CHLSN: variants seen among roughly 807,000 people sequenced by gnomAD.
CHLSN encodes cholesin.
At chr7:1,008,819 CATAT>C in the CHLSN span, among the ~76,000 whole-genome samples, 13 of 111,310 alleles carry the variant, frequency 1.2e-4, no homozygotes, top group Non-Finnish European at 1.9e-4. Flanking sequence ...TACACACGCA[CATAT>C]ACACAACGTG....
the CHLSN span, chr7:1,044,753 G>A: frequency 2.6e-5 from 4 of 151,906 alleles, no homozygotes; most frequent in South Asian, 2.1e-4. Context: ...TGGCTCCCAC[G>A]GCGGGCGCTG....
chr7:1,089,620 G>A, the CHLSN span, among the ~76,000 whole-genome samples: 3 of 151,160 alleles, frequency 2.0e-5, no homozygotes, highest in East Asian at 3.9e-4. Context: ...ACAGGGTTTC[G>A]CCATGTTACC....
At chr7:1,124,050 T>C in the CHLSN span, among the ~76,000 whole-genome samples, 1 of 152,218 alleles carries the variant, frequency 6.6e-6, no homozygotes, top group African/African-American at 2.4e-5. Context: ...CAGCTGCGTG[T>C]TACAGACCAG....
the CHLSN span, among the ~76,000 whole-genome samples, chr7:1,136,540 G>A: frequency 2.5e-4 from 27 of 106,290 alleles, no homozygotes; most frequent in African/African-American, 2.3e-4. Context: ...ACATATATAT[G>A]AACATATATA....
the CHLSN span, among the ~76,000 whole-genome samples, chr7:1,030,862 C>T: frequency 3.3e-5 from 5 of 152,200 alleles, no homozygotes; most frequent in East Asian, 1.9e-4. Context: ...GCCCACACCC[C>T]GGGCCCCAAC....
the CHLSN span, among the ~76,000 whole-genome samples, chr7:1,011,505 CCT>C: frequency 1.4e-5 from 2 of 147,302 alleles, no homozygotes; most frequent in South Asian, 2.2e-4. Flanking sequence ...GCCCAGACAC[CCT>C]GACACACCCA....
At chr7:1,096,405 G>C in the CHLSN span, among the ~76,000 whole-genome samples, 1 of 152,190 alleles carries the variant, frequency 6.6e-6, no homozygotes, top group African/African-American at 2.4e-5. The surrounding 1 kb of genome is among the most constrained non-coding windows in gnomAD (Gnocchi z 4.6). Context: ...AGCCAGCCTT[G>C]GACCCTGGGC....
the CHLSN span, among the ~76,000 whole-genome samples, chr7:1,005,224 G>C: frequency 0.17 from 26,221 of 152,192 alleles, 3,429 homozygotes; most frequent in African/African-American, 0.37. Flanking sequence ...CTGGGAAGCA[G>C]AGGTTGCAGT....
At chr7:993,591 AC>A in the CHLSN span, among the ~76,000 whole-genome samples, 3 of 152,142 alleles carry the variant, frequency 2.0e-5, no homozygotes, top group East Asian at 5.8e-4. Context: ...CCTGGGCAAC[AC>A]AGTGAGGCCC....
chr7:983,562 C>T, the CHLSN span, among the ~76,000 whole-genome samples: 1 of 152,318 alleles, frequency 6.6e-6, no homozygotes, highest in East Asian at 1.9e-4. Context: ...GCCACCCCGT[C>T]CCACAGGGAA....
the CHLSN span, among the ~76,000 whole-genome samples, chr7:1,135,728 G>A: frequency 0.045 from 6,680 of 148,156 alleles, 388 homozygotes; most frequent in African/African-American, 0.14. Context: ...TCGCGCCACT[G>A]CACTCCAGCC....
At chr7:1,015,227 G>A in the CHLSN span, among the ~76,000 whole-genome samples, 1 of 152,164 alleles carries the variant, frequency 6.6e-6, no homozygotes, top group Non-Finnish European at 1.5e-5. Context: ...GGAAAGAGAG[G>A]TGGGGTCGGG....
the CHLSN span, among the ~76,000 whole-genome samples, chr7:1,002,689 GT>G: frequency 1.2e-5 from 1 of 84,696 alleles, no homozygotes; most frequent in African/African-American, 6.6e-5. Flanking sequence ...AGTCCTGCGG[GT>G]GAGTGGAGCC....
the CHLSN span, chr7:1,000,629 A>T: frequency 8.2e-7 from 1 of 1,213,332 alleles, no homozygotes; most frequent in Non-Finnish European, 1.2e-6. Context: ...GAGATCGGGG[A>T]CGCCTCATCT....
At chr7:1,031,317 A>G in the CHLSN span, among the ~76,000 whole-genome samples, 1 of 151,852 alleles carries the variant, frequency 6.6e-6, no homozygotes, top group Non-Finnish European at 1.5e-5. Context: ...TGGGGGAGGA[A>G]GGAAATCAGC....
the CHLSN span, among the ~76,000 whole-genome samples, chr7:983,989 G>A: frequency 8.3e-4 from 126 of 152,258 alleles, no homozygotes; most frequent in African/African-American, 2.9e-3. Context: ...CCCCAACTGC[G>A]GGCTGGGGTG....
chr7:985,411 C>A, the CHLSN span: 1 of 1,385,016 alleles, frequency 7.2e-7, no homozygotes, highest in Non-Finnish European at 9.7e-7. Flanking sequence ...GTGCTGTCCC[C>A]TCTCAGCTTC....
the CHLSN span, among the ~76,000 whole-genome samples, chr7:1,079,974 C>A: frequency 2.6e-5 from 4 of 152,386 alleles, no homozygotes; most frequent in African/African-American, 9.6e-5. Flanking sequence ...CTGCGTGGCT[C>A]AGGAACGAGT....
the CHLSN span, among the ~76,000 whole-genome samples, chr7:982,462 C>T: frequency 6.6e-6 from 1 of 152,234 alleles, no homozygotes; most frequent in Non-Finnish European, 1.5e-5. Context: ...CCCCTCACAG[C>T]GGTTTAGGAG....
Sources: gnomAD v4.1 joint callset for allele counts (sites outside exome capture counted in the v4.1 genomes callset) on GRCh38, gnomAD v4.1.1 for gene constraint, Gnocchi (gnomAD v3.1) non-coding constraint, MANE v1.5 for transcripts, NCBI Gene and HGNC (gene_info 2026-07-23, HGNC 2026-07-21) for gene names.